ARHGAP24: variants seen among roughly 807,000 people sequenced by gnomAD.
ARHGAP24 encodes the protein rho GTPase-activating protein 24.
In ARHGAP24, 50 loss-of-function variants were observed where a neutral mutation model predicts 76.4. The ratio of observed to expected loss-of-function variants is 0.65; its 90% CI spans 0.52 to 0.83. The LOEUF (loss-of-function observed/expected upper bound fraction) is 0.83. Among genes scored for constraint, ARHGAP24 ranks in the 40% least tolerant of loss-of-function variants. The pLI is 0.00. For missense variants in ARHGAP24, 930 were observed against 914.2 expected (o/e 1.02, Z -0.22); for synonymous variants, 345 against 323.3 (o/e 1.07, Z -0.72).
At chr4:85,924,007 G>A (rs1735881941) in intron 4 of ARHGAP24, among the ~76,000 whole-genome samples, 1 of 151,810 alleles carries the variant, frequency 6.6e-6, no homozygotes, top group South Asian at 2.1e-4. Flanking sequence ...ATAAAAATGG[G>A]TGGGTTTTTT....
chr4:85,655,522 C>CAA (rs1722106472), intron 2 of ARHGAP24, among the ~76,000 whole-genome samples: 1 of 151,880 alleles, frequency 6.6e-6, no homozygotes, highest in Non-Finnish European at 1.5e-5. Context: ...GTGGCCATGC[C>CAA]TGTAACCCCG....
At chr4:85,732,934 A>T (rs1297547361) in intron 3 of ARHGAP24, among the ~76,000 whole-genome samples, 1 of 150,482 alleles carries the variant, frequency 6.6e-6, no homozygotes, top group African/African-American at 2.4e-5. Context: ...CCAACCTCAG[A>T]TGATGCACCT....
intron 2 of ARHGAP24, among the ~76,000 whole-genome samples, chr4:85,596,263 C>G (rs1719833336): frequency 6.6e-6 from 1 of 151,866 alleles, no homozygotes; most frequent in African/African-American, 2.4e-5. Flanking sequence ...ACTTTGCTAT[C>G]TTTTATGCTT....
chr4:85,584,239 C>T (rs1727748346), intron 2 of ARHGAP24, among the ~76,000 whole-genome samples: 1 of 152,132 alleles, frequency 6.6e-6, no homozygotes, highest in Admixed American at 6.5e-5. Context: ...GGCACATATA[C>T]ACCATGGAAT....
intron 2 of ARHGAP24, among the ~76,000 whole-genome samples, chr4:85,665,371 A>G (rs144031588): frequency 0.07 from 10,615 of 152,016 alleles, 472 homozygotes; most frequent in Non-Finnish European, 0.099. Flanking sequence ...TGCTTGGTAG[A>G]TCTTCCTCCA....
rs1006458608 is a variant in ARHGAP24 at position 85,667,348 on chromosome 4, G to A, written c.181-54537G>A. 5.3e-5 allele frequency among the ~76,000 whole-genome samples: 8 copies of A among 152,142 alleles called. No individual in the cohort carries two copies. In the East Asian group the frequency reaches 5.8e-4, roughly 11 times the overall value. ...TGGTGCGCCATTTTTTAAGCCCGTC[G>A]GAAAAGCGCAGTATTAGGATGGGAG... On this transcript the variant is annotated intron_variant, in intron 2 of 9. Coordinates refer to ENST00000395184, the MANE Select transcript of ARHGAP24 (RefSeq NM_001025616.3).
chr4:85,493,205 AC>A (rs1451764347), intron 1 of ARHGAP24, among the ~76,000 whole-genome samples: 2 of 152,232 alleles, frequency 1.3e-5, no homozygotes, highest in African/African-American at 4.8e-5. Context: ...AGGTTTCTCT[AC>A]TATAAAGTTG....
At chr4:85,480,500 A>G (rs1316622557) in intron 1 of ARHGAP24, among the ~76,000 whole-genome samples, 1 of 152,192 alleles carries the variant, frequency 6.6e-6, no homozygotes, top group Non-Finnish European at 1.5e-5. Context: ...CCACAAGTGT[A>G]CTAAGCTAAT....
At chr4:85,764,738 C>T (rs1258501525) in intron 3 of ARHGAP24, among the ~76,000 whole-genome samples, 1 of 152,062 alleles carries the variant, frequency 6.6e-6, no homozygotes, top group Admixed American at 6.6e-5. Context: ...TTTCTGAATG[C>T]TCACAAGGAA....
intron 1 of ARHGAP24, among the ~76,000 whole-genome samples, chr4:85,510,213 G>A (rs978488333): frequency 7.2e-5 from 11 of 152,168 alleles, no homozygotes; most frequent in African/African-American, 2.7e-4. Flanking sequence ...AGTTTTATAA[G>A]AGTATTTTCC....
At position 85,942,161 on chromosome 4, in the gene ARHGAP24, A is replaced by G. The variant is rs867189230; in HGVS notation, c.487A>G (p.Ile163Val). The G allele has an allele frequency of 3.1e-6, 5 of 1,614,036 alleles. No homozygotes were observed. In the Middle Eastern group the frequency reaches 8.3e-4, roughly 268 times the overall value. The change falls in exon 5 of 10, where the codon ATC (isoleucine) becomes GTC (valine). Residue 163 changes from isoleucine to valine, a missense_variant. By Grantham distance (29) the Ile-to-Val change is conservative. Coordinates refer to ENST00000395184, the MANE Select transcript of ARHGAP24 (RefSeq NM_001025616.3). ...GTTGGTGGAGCAGTGCGTGGACTTT[A>G]TCCGACAAAGGGGGCTGAAAGAAGA... ...PMLVEQCVDF[I>V]RQRGLKEEGL...
intron 2 of ARHGAP24, among the ~76,000 whole-genome samples, chr4:85,680,511 A>G (rs1224202928): frequency 6.6e-6 from 1 of 152,066 alleles, no homozygotes; most frequent in Non-Finnish European, 1.5e-5. Flanking sequence ...CCGTGAGATC[A>G]CAGACCCAGG....
chr4:85,521,169 C>G (rs1266916690), intron 1 of ARHGAP24, among the ~76,000 whole-genome samples: 2 of 152,092 alleles, frequency 1.3e-5, no homozygotes, highest in Admixed American at 1.3e-4. Context: ...AAACCCTTTA[C>G]TAATGGCCCC....
At chr4:85,704,087 C>T (rs1157271958) in intron 2 of ARHGAP24, among the ~76,000 whole-genome samples, 1 of 152,122 alleles carries the variant, frequency 6.6e-6, no homozygotes, top group Non-Finnish European at 1.5e-5. Flanking sequence ...TTCTTGCGTG[C>T]TGTTGTGTGT....
chr4:85,540,031 T>A (rs72967861), intron 1 of ARHGAP24, among the ~76,000 whole-genome samples: 2 of 151,856 alleles, frequency 1.3e-5, no homozygotes. Flanking sequence ...GGCAATGGAG[T>A]AAGCCTCTGT....
At chr4:85,913,216 T>C (rs941028325) in intron 3 of ARHGAP24, among the ~76,000 whole-genome samples, 1 of 152,030 alleles carries the variant, frequency 6.6e-6, no homozygotes, top group African/African-American at 2.4e-5. Flanking sequence ...TTCTGTTTGC[T>C]TCCCTCTGTA....
rs149455544 is a variant in ARHGAP24, at chr4:85,506,026, C to T, written c.-21+30467C>T. Among the ~76,000 whole-genome samples, 479 of 152,152 alleles carry T rather than the reference C, an allele frequency of 3.1e-3. 4 individuals carry two copies. The highest frequency in any genetic ancestry group is 0.011 in the African/African-American group (456 of 41,502). On this transcript the variant is annotated intron_variant, in intron 1 of 9. Transcript: ENST00000395184. ...ACTTTGCTGGAGGTCCACTCCAGAC[C>T]CTGTTTGCCTGGGTATCATCAGTGG...
At chr4:85,707,563 A>T (rs1483135859) in intron 2 of ARHGAP24, among the ~76,000 whole-genome samples, 1 of 152,198 alleles carries the variant, frequency 6.6e-6, no homozygotes, top group African/African-American at 2.4e-5. Flanking sequence ...CTGGATAAAC[A>T]CATAGGTAAT....
intron 3 of ARHGAP24, among the ~76,000 whole-genome samples, chr4:85,843,087 A>G (rs1730696043): frequency 6.6e-6 from 1 of 152,178 alleles, no homozygotes; most frequent in Admixed American, 6.5e-5. Context: ...ATAAGTTATT[A>G]TTTTACATAT....
Sources: allele counts gnomAD v4.1 joint callset (sites outside exome capture counted in the v4.1 genomes callset), GRCh38; gene constraint gnomAD v4.1.1; transcripts MANE v1.5; gene names NCBI Gene and HGNC (gene_info 2026-07-23, HGNC 2026-07-21).